CA10: variants seen among roughly 807,000 people sequenced by gnomAD.
CA10 encodes carbonic anhydrase-related protein 10.
Under a neutral mutation model 44.2 loss-of-function variants are expected in CA10, and 14 were observed. The observed-to-expected ratio is 0.32, with a 90% CI of 0.21 to 0.50. The LOEUF (loss-of-function observed/expected upper bound fraction) is 0.50, where lower values mean the gene tolerates loss of function less well. Among genes scored for constraint, CA10 ranks in the 20% least tolerant of loss-of-function variants. The pLI is 0.99. For synonymous variants in CA10, 159 were observed against 141.6 expected, an observed-to-expected ratio of 1.12 and a Z score of -0.87; for missense variants, 350 against 409.7, an observed-to-expected ratio of 0.85 and a Z score of 1.26.
chr17:51,688,102 T>C (rs1168650491), intron 4 of CA10, among the ~76,000 whole-genome samples: 1 of 152,182 alleles, frequency 6.6e-6, no homozygotes. Context: ...AGCAGCCCTA[T>C]GGGAAATGTG....
At chr17:52,077,716 A>G (rs1013643898) in intron 1 of CA10, among the ~76,000 whole-genome samples, 6 of 152,180 alleles carry the variant, frequency 3.9e-5, no homozygotes, top group African/African-American at 1.4e-4. Context: ...ATCAGTATGT[A>G]CTGCAGAAGG....
At chr17:51,707,586 A>G (rs1270133159) in intron 4 of CA10, among the ~76,000 whole-genome samples, 1 of 152,024 alleles carries the variant, frequency 6.6e-6, no homozygotes, top group East Asian at 1.9e-4. Context: ...AGGGGAGGAA[A>G]GAAGATAAAT....
chr17:51,960,383 A>C (rs1056328218), intron 2 of CA10, among the ~76,000 whole-genome samples: 1 of 152,108 alleles, frequency 6.6e-6, no homozygotes, highest in Non-Finnish European at 1.5e-5. Context: ...GAAAGCCATA[A>C]ATTTACAGAT....
intron 4 of CA10, among the ~76,000 whole-genome samples, chr17:51,701,085 TA>T (rs1443466832): frequency 6.7e-6 from 1 of 149,570 alleles, no homozygotes; most frequent in African/African-American, 2.6e-5. Context: ...ACTTAAAATT[TA>T]AAAAAACAAT....
At chr17:52,009,934 G>A (rs1985727215) in intron 2 of CA10, among the ~76,000 whole-genome samples, 1 of 151,886 alleles carries the variant, frequency 6.6e-6, no homozygotes, top group Non-Finnish European at 1.5e-5. Flanking sequence ...CAAAAAGTGG[G>A]CTAAGGACAT....
rs9903073 is a variant in CA10, at chr17:52,007,720, C to T, written c.136+64599G>A. 1.3e-3 allele frequency among the ~76,000 whole-genome samples: 202 copies of T among 151,338 alleles called. 1 individual carries two copies. The highest frequency in any genetic ancestry group is 4.1e-3 in the African/African-American group (168 of 41,446). On this transcript the variant is annotated intron_variant, in intron 2 of 8. Transcript: ENST00000451037. ...TTTTTTCCTCTTCTGTTTTTATCTC[C>T]TCTTGATGTTAAGACTATATTAGCC...
intron 4 of CA10, among the ~76,000 whole-genome samples, chr17:51,678,258 G>A (rs1914701748): frequency 6.6e-6 from 1 of 152,054 alleles, no homozygotes; most frequent in African/African-American, 2.4e-5. Context: ...GTTTCCTTTT[G>A]GAATGGTGAA....
chr17:51,686,085 C>T (rs899582772), intron 4 of CA10, among the ~76,000 whole-genome samples: 3 of 149,116 alleles, frequency 2.0e-5, no homozygotes, highest in Non-Finnish European at 4.4e-5. Context: ...AATCATGGGT[C>T]GGGGGGGGCG....
intron 3 of CA10, among the ~76,000 whole-genome samples, chr17:51,819,864 C>T (rs1297557560): frequency 6.6e-6 from 1 of 152,140 alleles, no homozygotes; most frequent in African/African-American, 2.4e-5. Flanking sequence ...AATGTATGCT[C>T]TCTGTCTCTG....
intron 3 of CA10, among the ~76,000 whole-genome samples, chr17:51,793,174 C>T (rs576216101): frequency 1.1e-4 from 16 of 152,256 alleles, no homozygotes; most frequent in African/African-American, 2.2e-4. Flanking sequence ...TGGAAAATTT[C>T]GCTTTATGGT....
chr17:52,092,160 C>T (rs1027225425), intron 1 of CA10, among the ~76,000 whole-genome samples: 9 of 152,086 alleles, frequency 5.9e-5, no homozygotes, highest in African/African-American at 1.9e-4. Flanking sequence ...CTATGAGTGT[C>T]TGTTTGTATT....
At chr17:51,773,103 T>G (rs1905672449) in intron 3 of CA10, among the ~76,000 whole-genome samples, 1 of 152,188 alleles carries the variant, frequency 6.6e-6, no homozygotes, top group South Asian at 2.1e-4. Context: ...ACATATTGAC[T>G]TGTACATGGT....
intron 2 of CA10, among the ~76,000 whole-genome samples, chr17:52,050,672 G>A (rs1337321299): frequency 6.6e-6 from 1 of 151,874 alleles, no homozygotes; most frequent in African/African-American, 2.4e-5. Context: ...TCACTTCAAG[G>A]ACTTCCAAGG....
intron 2 of CA10, among the ~76,000 whole-genome samples, chr17:51,950,915 T>G (rs569153421): frequency 6.6e-6 from 1 of 152,266 alleles, no homozygotes; most frequent in East Asian, 1.9e-4. Context: ...CCTAGGATAG[T>G]GCACAGCATT....
chr17:52,008,212 T>C (rs1985667909), intron 2 of CA10, among the ~76,000 whole-genome samples: 1 of 151,764 alleles, frequency 6.6e-6, no homozygotes, highest in Non-Finnish European at 1.5e-5. Flanking sequence ...CAAACAAAGT[T>C]CTAAACCATT....
chr17:52,007,139 T>A (rs946935490), intron 2 of CA10, among the ~76,000 whole-genome samples: 41 of 151,816 alleles, frequency 2.7e-4, no homozygotes, highest in African/African-American at 9.9e-4. Flanking sequence ...AACACCCTTC[T>A]AACAGTTTGG....
Position 51,784,117 on chromosome 17 carries a change from T to C in CA10, c.280-36299A>G, listed in dbSNP as rs992852465. On this transcript the variant is annotated intron_variant, in intron 3 of 8. Transcript: ENST00000451037. ...TAGGGGTTAAATATTATTATTCCCA[T>C]TCTTCAGGCAGGGAAGCAAACCAGA... 2.0e-5 allele frequency among the ~76,000 whole-genome samples: 3 copies of C among 152,184 alleles called. No homozygotes were observed. The East Asian group carries it at 5.8e-4, about 29-fold the overall frequency.
intron 3 of CA10, among the ~76,000 whole-genome samples, chr17:51,797,537 A>G (rs1227635867): frequency 2.6e-5 from 4 of 152,064 alleles, no homozygotes; most frequent in Admixed American, 6.5e-5. Context: ...AATTATCAAG[A>G]GGTAAACCCC....
intron 3 of CA10, among the ~76,000 whole-genome samples, chr17:51,888,391 T>C (rs1002595758): frequency 2.6e-5 from 4 of 152,210 alleles, no homozygotes; most frequent in African/African-American, 9.6e-5. Context: ...CCATTGTAGA[T>C]TTCTCCAAAC....
Sources: allele counts gnomAD v4.1 joint callset (sites outside exome capture counted in the v4.1 genomes callset), GRCh38; gene constraint gnomAD v4.1.1; transcripts MANE v1.5; gene names NCBI Gene and HGNC (gene_info 2026-07-23, HGNC 2026-07-21).